The following CFAP57 variants were observed in gnomAD, a reference collection of about 807,000 sequenced individuals.
CFAP57 encodes the protein cilia and flagella associated protein 57.
CFAP57 carries 116 observed loss-of-function variants against 146.8 expected under a neutral mutation model. The observed-to-expected ratio is 0.79, with a 90% confidence interval of 0.68 to 0.92. The LOEUF (loss-of-function observed/expected upper bound fraction) is 0.92, where lower values mean the gene tolerates loss of function less well. Among genes scored for constraint, CFAP57 ranks in the 40% least tolerant of loss-of-function variants. The probability of loss-of-function intolerance (pLI) is 0.00; values close to 1 mark genes in which losing one functional copy is unlikely to be tolerated. For synonymous variants in CFAP57, 518 were observed against 552.8 expected, an observed-to-expected ratio of 0.94 and a Z score of 0.88; for missense variants, 1,377 against 1,527.2, an observed-to-expected ratio of 0.90 and a Z score of 1.64.
intron 22 of CFAP57, among the ~76,000 whole-genome samples, chr1:43,244,268 T>C (rs891827488): frequency 2.0e-5 from 3 of 152,182 alleles, no homozygotes; most frequent in African/African-American, 7.2e-5. Flanking sequence ...ATTAGAGGCT[T>C]GAACTGAAAC....
At position 43,209,915 on chromosome 1, in the gene CFAP57, A is replaced by G. The variant is rs1458596856; in HGVS notation, c.1928A>G (p.Lys643Arg). The change falls in exon 11 of 23, where the codon AAG becomes AGG. Residue 643 changes from lysine to arginine, a missense_variant and splice_region_variant. By Grantham distance (26) the Lys-to-Arg change is conservative. Transcript: ENST00000372492. ...EYQAHAGPIT[K>R]MLLTFDDQFL... Reference sequence around the variant, plus strand: ...CAGGCCCATGCCGGTCCTATCACCAAGGTGAGCAGGGCCCTCTCCCCAGGA... The same window carrying G: ...CAGGCCCATGCCGGTCCTATCACCAGGGTGAGCAGGGCCCTCTCCCCAGGA... 6.2e-7 allele frequency: 1 copy of G among 1,614,228 alleles called. No homozygotes were observed. The highest frequency in any genetic ancestry group is 1.7e-5 in the Admixed American group (1 of 60,024).
At chr1:43,253,881 CA>C in intron 22 of CFAP57, 95 bp from the exon 23 acceptor site, 1 of 1,112,226 alleles carries the variant, frequency 9.0e-7, no homozygotes, top group Non-Finnish European at 1.3e-6. Flanking sequence ...AGTAGGTGCC[CA>C]ATAAATGTTT....
chr1:43,186,944 C>G (rs983575578), intron 6 of CFAP57, 85 bp downstream of exon 6: 1 of 1,532,106 alleles, frequency 6.5e-7, no homozygotes, highest in East Asian at 2.3e-5. Flanking sequence ...AATTTTAATC[C>G]AAATAAGTTA....
rs1245689299 is a variant in CFAP57, at chr1:43,234,395, C to T, written c.3243C>T (p.Tyr1081=). The T allele has an allele frequency of 1.9e-6, 3 of 1,549,518 alleles. No individual in the cohort carries two copies. The highest frequency in any genetic ancestry group is 1.7e-4 in the Middle Eastern group (1 of 5,982). ...AGGTTCGAGGTCTCTTTGAGAAGTA[C>T]GTGCAGCGAGCAGACATGGTAAGCT... is the stretch of plus-strand genomic sequence containing the variant. The part of the protein sequence containing the change: ...KEKVRGLFEK[Y]VQRADMVEIA... The change falls in exon 20 of 23, where the codon TAC becomes TAT. Residue 1081 remains tyrosine (Y), a synonymous_variant. Transcript: ENST00000372492.
At chr1:43,213,254 G>A (rs1644697895) in intron 11 of CFAP57, among the ~76,000 whole-genome samples, 1 of 152,072 alleles carries the variant, frequency 6.6e-6, no homozygotes, top group Non-Finnish European at 1.5e-5. Context: ...TGCCCGACTA[G>A]GGTCAACATT....
At chr1:43,249,597 C>CTT (rs35050145) in intron 22 of CFAP57, among the ~76,000 whole-genome samples, 7 of 52,640 alleles carry the variant, frequency 1.3e-4, no homozygotes, top group African/African-American at 4.6e-4. Context: ...ACCCAGCTAA[C>CTT]TTTTTTTTTT....
intron 21 of CFAP57, among the ~76,000 whole-genome samples, chr1:43,237,298 CA>C (rs1645743358): frequency 6.6e-6 from 1 of 152,208 alleles, no homozygotes; most frequent in Non-Finnish European, 1.5e-5. Context: ...CTCCATTCCT[CA>C]GCACACTGGC....
intron 21 of CFAP57, among the ~76,000 whole-genome samples, chr1:43,235,187 G>A (rs150655204): frequency 3.2e-4 from 49 of 152,058 alleles, no homozygotes; most frequent in African/African-American, 1.1e-3. Context: ...TAGCCACAAC[G>A]TCCCAGAGCT....
chr1:43,200,402 A>G (rs1031739912), intron 9 of CFAP57, among the ~76,000 whole-genome samples: 1 of 151,476 alleles, frequency 6.6e-6, no homozygotes, highest in African/African-American at 2.4e-5. Flanking sequence ...TGGGAGGATC[A>G]CTTGGGCCCA....
intron 9 of CFAP57, among the ~76,000 whole-genome samples, chr1:43,204,785 C>A (rs1471841520): frequency 6.6e-6 from 1 of 152,180 alleles, no homozygotes; most frequent in African/African-American, 2.4e-5. Flanking sequence ...GCTTTTGCAT[C>A]ATGTTCAGCC....
At chr1:43,197,736 G>A (rs747986056) in intron 7 of CFAP57, 44 bp downstream of exon 7, 1 of 1,609,792 alleles carries the variant, frequency 6.2e-7, no homozygotes, top group Non-Finnish European at 8.5e-7. Context: ...CAAGACCCCA[G>A]TTGTGAATTT....
intron 9 of CFAP57, among the ~76,000 whole-genome samples, chr1:43,206,047 C>T (rs974019021): frequency 1.3e-5 from 2 of 152,170 alleles, no homozygotes; most frequent in African/African-American, 4.8e-5. Context: ...GGCAGAGGTA[C>T]ACTCATAGCT....
chr1:43,222,282 C>T lies in CFAP57; in HGVS notation c.2519C>T (p.Thr840Ile), dbSNP rs1016465016. Reference protein sequence around the residue: ...FYEAKLQEKTTLLEEAQEDVR... With the variant: ...FYEAKLQEKTILLEEAQEDVR... ...GAGGCAAAACTGCAGGAGAAAACCA[C>T]CCTTCTGGAAGAGGTACTCACAGGA... is the stretch of plus-strand genomic sequence containing the variant. Residue 840 changes from threonine (T) to isoleucine (I), a missense_variant, in exon 15 of 23, where the codon ACC becomes ATC. Thr to Ile is a moderately conservative substitution (Grantham distance 89). Transcript: ENST00000372492. 1.4e-6 allele frequency: 2 copies of T among 1,448,508 alleles called. No homozygotes were observed. Among genetic ancestry groups the T allele is most frequent in the East Asian group, 2.6e-5 (1 of 38,512 alleles). The allele number at this position is 1,448,508 out of a possible 1,614,324, so 89.7% of individuals were successfully genotyped here.
chr1:43,228,937 G>C lies in CFAP57; in HGVS notation c.3009+1811G>C, dbSNP rs369724694. Among the ~76,000 whole-genome samples the C allele has an allele frequency of 1.1e-3, 165 of 148,934 alleles. 14 individuals are homozygous for C. Among genetic ancestry groups the C allele is most frequent in the African/African-American group, 3.9e-3 (157 of 39,962 alleles). ...GCAAACAAGCTCCCTCCAGCCTCTCGTACAAGGGCACAAATCCCATTTGTG... is the reference window on the plus strand; with the variant it reads ...GCAAACAAGCTCCCTCCAGCCTCTCCTACAAGGGCACAAATCCCATTTGTG... On this transcript the variant is annotated intron_variant, in intron 18 of 22. Coordinates refer to ENST00000372492, the MANE Select transcript of CFAP57 (RefSeq NM_001378189.1).
In CFAP57 at chr1:43,247,727, GAAAC is replaced by G. The variant is rs754436809; in HGVS notation, c.3538+4377_3538+4380del. Among the ~76,000 whole-genome samples the G allele has an allele frequency of 4.2e-4, 64 of 152,278 alleles. 2 individuals are homozygous for G. Among genetic ancestry groups the G allele is most frequent in the Non-Finnish European group, 2.2e-4 (15 of 68,020 alleles). On this transcript the variant is annotated intron_variant, in intron 22 of 22. Transcript: ENST00000372492. Reference sequence around the variant, plus strand: ...TTTCTAATTTCTCTGTATGTGCAAAGAAACAAACAAACGAAAACTACATATGACT... The same window carrying G: ...TTTCTAATTTCTCTGTATGTGCAAAGAAACAAACGAAAACTACATATGACT...
intron 13 of CFAP57, 138 bp from the exon 14 acceptor site, chr1:43,221,234 A>G (rs1645032507): frequency 1.9e-6 from 1 of 533,600 alleles, no homozygotes; most frequent in African/African-American, 1.9e-5. Context: ...TTGCTGCTTC[A>G]TAGAACAGTG....
intron 1 of CFAP57, 95 bp from the exon 2 acceptor site, chr1:43,172,637 GGGA>G: frequency 8.6e-7 from 1 of 1,156,156 alleles, no homozygotes; most frequent in East Asian, 2.4e-5. Context: ...GAGAGACAAG[GGGA>G]GGAGCAAAGG....
chr1:43,206,630 A>G (rs1644368614), intron 9 of CFAP57, 90 bp from the exon 10 acceptor site: 1 of 1,307,226 alleles, frequency 7.6e-7, no homozygotes, highest in Non-Finnish European at 1.1e-6. Flanking sequence ...TGCTCAGTCT[A>G]GTGGAGCACC....
chr1:43,191,800 CT>C (rs574816091), intron 6 of CFAP57, among the ~76,000 whole-genome samples: 15 of 145,136 alleles, frequency 1.0e-4, no homozygotes, highest in Middle Eastern at 3.6e-3. Flanking sequence ...TTAGGTTGCT[CT>C]TTTTTTTTTT....
Sources: gnomAD v4.1 joint callset for allele counts (sites outside exome capture counted in the v4.1 genomes callset) on GRCh38, gnomAD v4.1.1 for gene constraint, MANE v1.5 for transcripts, NCBI Gene and HGNC (gene_info 2026-07-23, HGNC 2026-07-21) for gene names.